Variants in FRMD4A observed in about 807,000 individuals in gnomAD.
FRMD4A encodes the protein FERM domain-containing protein 4A.
In FRMD4A, 29 loss-of-function variants were observed where a neutral mutation model predicts 129.1. That is an observed-to-expected ratio of 0.22 (90% confidence interval 0.17 to 0.31). The LOEUF (loss-of-function observed/expected upper bound fraction) is 0.31, where lower values mean the gene tolerates loss of function less well. Among genes scored for constraint, FRMD4A ranks in the 10% least tolerant of loss-of-function variants. The pLI is 1.00. For synonymous variants in FRMD4A, 634 were observed against 571.6 expected (o/e 1.11, Z -1.56); for missense variants, 1,272 against 1,375.8 (o/e 0.92, Z 1.19).
intron 2 of FRMD4A, among the ~76,000 whole-genome samples, chr10:14,107,726 A>G (rs1470722430): frequency 6.6e-6 from 1 of 152,206 alleles, no homozygotes; most frequent in East Asian, 1.9e-4. Context: ...TCACTTTTGC[A>G]TATAATAATA....
intron 5 of FRMD4A, among the ~76,000 whole-genome samples, chr10:13,792,114 A>G (rs889500695): frequency 5.3e-5 from 8 of 151,634 alleles, no homozygotes; most frequent in African/African-American, 1.5e-4. Context: ...GTCCCTGTGC[A>G]GGGGCACTCT....
At chr10:13,847,649 G>T (rs1031833227) in intron 3 of FRMD4A, among the ~76,000 whole-genome samples, 1 of 152,166 alleles carries the variant, frequency 6.6e-6, no homozygotes, top group South Asian at 2.1e-4. Context: ...AGGGTCCAGC[G>T]GGTGGGATGT....
rs148241746 is a variant in FRMD4A, at chr10:14,293,597, T to C, written c.45+36461A>G. Among the ~76,000 whole-genome samples the C allele has an allele frequency of 1.4e-3, 207 of 150,410 alleles. 1 individual carries two copies. Among genetic ancestry groups the C allele is most frequent in the African/African-American group, 4.9e-3 (200 of 41,106 alleles). On this transcript the variant is annotated intron_variant, in intron 2 of 24. Transcript: ENST00000357447. ...TCACTTCACACTATCAGACTGGCAA[T>C]TGTAAGTTTTGATGAAGATAGAGAA...
At chr10:14,064,104 C>T (rs1834943575) in intron 2 of FRMD4A, among the ~76,000 whole-genome samples, 1 of 152,200 alleles carries the variant, frequency 6.6e-6, no homozygotes, top group African/African-American at 2.4e-5. Flanking sequence ...GAAGTGCTCA[C>T]CAATGGAATT....
intron 2 of FRMD4A, among the ~76,000 whole-genome samples, chr10:14,128,822 C>G (rs375570920): frequency 6.6e-6 from 1 of 152,056 alleles, no homozygotes. Context: ...CCTCAGCACT[C>G]CTTTAACCTC....
chr10:13,960,521 A>AT (rs2095439848), intron 2 of FRMD4A, among the ~76,000 whole-genome samples: 1 of 152,238 alleles, frequency 6.6e-6, no homozygotes, highest in African/African-American at 2.4e-5. Context: ...ATTCCTGAGG[A>AT]TAACACTATG....
At chr10:13,832,399 G>C (rs572933279) in intron 3 of FRMD4A, among the ~76,000 whole-genome samples, 3 of 152,156 alleles carry the variant, frequency 2.0e-5, no homozygotes, top group Non-Finnish European at 2.9e-5. Flanking sequence ...GGAGGTCTGT[G>C]CGGAAATGTC....
At chr10:13,700,135 T>C (rs985492754) in intron 14 of FRMD4A, among the ~76,000 whole-genome samples, 1 of 151,716 alleles carries the variant, frequency 6.6e-6, no homozygotes, top group South Asian at 2.1e-4. Flanking sequence ...TTAGTAGAGA[T>C]GGGGGTCTCA....
At chr10:13,838,170 C>A (rs548237141) in intron 3 of FRMD4A, among the ~76,000 whole-genome samples, 1 of 152,048 alleles carries the variant, frequency 6.6e-6, no homozygotes, top group Admixed American at 6.6e-5. Context: ...CTCACTGAAG[C>A]CTCTACCTCC....
intron 2 of FRMD4A, among the ~76,000 whole-genome samples, chr10:14,211,016 C>T (rs897692899): frequency 1.3e-5 from 2 of 152,190 alleles, no homozygotes; most frequent in Non-Finnish European, 2.9e-5. Flanking sequence ...TGTGAGCCAC[C>T]GTGCTCAGCC....
intron 12 of FRMD4A, 65 bp downstream of exon 12, chr10:13,737,779 G>A (rs1217430710): frequency 2.3e-6 from 2 of 873,210 alleles, no homozygotes; most frequent in African/African-American, 3.3e-5. Context: ...TTTTTAAAGT[G>A]ACTCCTACGC....
chr10:13,976,232 A>G (rs2926872), intron 2 of FRMD4A, among the ~76,000 whole-genome samples: 35,125 of 152,090 alleles, frequency 0.23, 5,828 homozygotes, highest in African/African-American at 0.46. Flanking sequence ...AAACATCCCA[A>G]GGAGAAGCTG....
At chr10:13,698,101 A>AGGGAGGGAGGGAGG (rs1249600363) in intron 14 of FRMD4A, among the ~76,000 whole-genome samples, 1 of 151,712 alleles carries the variant, frequency 6.6e-6, no homozygotes, top group South Asian at 2.1e-4. Context: ...GGAGGGAGGG[A>AGGGAGGGAGGGAGG]GAGACAGGCA....
rs754840700 is a variant in FRMD4A at position 13,821,077 on chromosome 10, C to T, written c.112-10169G>A. On this transcript the variant is annotated intron_variant, in intron 3 of 24. Transcript: ENST00000357447. The surrounding 1 kb of genome is among the most constrained non-coding windows in gnomAD (Gnocchi z 4.3). ...GTGTCCCTCTCCATCCCCATGGGGG[C>T]TCTGAGCCCAGCAATGGCTCAGCGG... Among the ~76,000 whole-genome samples, 6 of 152,238 alleles carry T rather than the reference C, an allele frequency of 3.9e-5. No individual in the cohort carries two copies. The highest frequency in any genetic ancestry group is 7.3e-5 in the Non-Finnish European group (5 of 68,030).
intron 3 of FRMD4A, among the ~76,000 whole-genome samples, chr10:13,835,468 G>A (rs977349257): frequency 2.0e-5 from 3 of 152,182 alleles, no homozygotes; most frequent in South Asian, 2.1e-4. Flanking sequence ...AGCAGGCGGT[G>A]AGTCGCAGGA....
At chr10:14,268,948 C>A (rs1038086457) in intron 2 of FRMD4A, among the ~76,000 whole-genome samples, 3 of 152,248 alleles carry the variant, frequency 2.0e-5, no homozygotes, top group African/African-American at 7.2e-5. Flanking sequence ...TGATTACCCA[C>A]TAAGCGTATG....
At chr10:13,833,939 T>C (rs2093831099) in intron 3 of FRMD4A, among the ~76,000 whole-genome samples, 1 of 151,994 alleles carries the variant, frequency 6.6e-6, no homozygotes, top group African/African-American at 2.4e-5. Flanking sequence ...GTCCTCCTCC[T>C]TGGGAATGTG....
At chr10:13,840,271 C>T (rs1326330377) in intron 3 of FRMD4A, among the ~76,000 whole-genome samples, 1 of 151,932 alleles carries the variant, frequency 6.6e-6, no homozygotes, top group Admixed American at 6.6e-5. Context: ...GGGAAGAGAA[C>T]CAGGGATACT....
chr10:14,113,227 C>T (rs771764311), intron 2 of FRMD4A, among the ~76,000 whole-genome samples: 4 of 152,140 alleles, frequency 2.6e-5, no homozygotes, highest in Non-Finnish European at 5.9e-5. Context: ...GGTTGAGCTG[C>T]CAGGGTCCAC....
Sources: gnomAD v4.1 joint callset for allele counts (sites outside exome capture counted in the v4.1 genomes callset) on GRCh38, gnomAD v4.1.1 for gene constraint, Gnocchi (gnomAD v3.1) non-coding constraint, MANE v1.5 for transcripts, NCBI Gene and HGNC (gene_info 2026-07-23, HGNC 2026-07-21) for gene names.